Variants in CNTN1 observed in about 807,000 individuals in gnomAD.
CNTN1 encodes the protein contactin-1.
Under a neutral mutation model 126.4 loss-of-function variants are expected in CNTN1, and 38 were observed. The observed-to-expected ratio is 0.30, with a 90% confidence interval of 0.23 to 0.39. The LOEUF (loss-of-function observed/expected upper bound fraction) is 0.39. Ranked by LOEUF, CNTN1 falls within the 10% of genes least tolerant of loss-of-function variation. CNTN1 has a pLI of 1.00. For synonymous variants in CNTN1, 413 were observed against 422.6 expected (o/e 0.98, Z 0.28); for missense variants, 1,009 against 1,248.4 (o/e 0.81, Z 2.89).
At chr12:40,759,428 TC>T (rs1938749433) in intron 1 of CNTN1, among the ~76,000 whole-genome samples, 1 of 150,062 alleles carries the variant, frequency 6.7e-6, no homozygotes, top group African/African-American at 2.4e-5. Flanking sequence ...TCTTTCTCCC[TC>T]CCCTCCCCTC....
At chr12:40,979,610 G>C (rs1204114899) in intron 15 of CNTN1, among the ~76,000 whole-genome samples, 1 of 152,016 alleles carries the variant, frequency 6.6e-6, no homozygotes, top group African/African-American at 2.4e-5. Flanking sequence ...TGATATGTAT[G>C]TTTAGTTATA....
In CNTN1 at chr12:40,959,141, C is replaced by T. The variant is rs1174434961; in HGVS notation, c.1711C>T (p.Arg571Ter). 3.7e-6 allele frequency: 6 copies of T among 1,612,466 alleles called. No individual in the cohort carries two copies. Among genetic ancestry groups the T allele is most frequent in the African/African-American group, 2.7e-5 (2 of 74,918 alleles). ...GGATTCCAATGGGGAATTACTAATCCGAAATGCGCAGCTGAAACATGCTGG... is the reference window on the plus strand; with the variant it reads ...GGATTCCAATGGGGAATTACTAATCTGAAATGCGCAGCTGAAACATGCTGG... ...MLDSNGELLI[R>*]NAQLKHAGRY... The change falls in exon 15 of 24, where the codon CGA becomes TGA. Residue 571 changes from arginine to a stop codon, truncating the protein, a stop_gained. Transcript: ENST00000551295. LOFTEE classifies it high-confidence loss of function.
chr12:40,869,552 G>A (rs941174983), intron 1 of CNTN1, among the ~76,000 whole-genome samples: 3 of 152,042 alleles, frequency 2.0e-5, no homozygotes, highest in African/African-American at 7.2e-5. Context: ...TTACACCTGT[G>A]AGCCACCGTG....
rs1565746430 is a variant in CNTN1, at chr12:40,795,301, ACACACACACACACACACATTT to A, written c.-77+102710_-77+102730del. Among the ~76,000 whole-genome samples the A allele has an allele frequency of 1.2e-4, 11 of 94,698 alleles. 1 individual carries two copies. The highest frequency in any genetic ancestry group is 2.1e-4 in the Admixed American group (2 of 9,566). 62.1% of individuals were successfully genotyped at this position (94,698 alleles called of 152,430 possible). A position where few individuals can be genotyped will look rare whatever the true frequency, so the allele number is the denominator to read the frequency against. ...CACACACACACACACACACACACAC[ACACACACACACACACACATTT>A]TTTTTTTTTTTTTGAAACAAAGTCT... On this transcript the variant is annotated intron_variant, in intron 1 of 23. Coordinates refer to ENST00000551295, the MANE Select transcript of CNTN1 (RefSeq NM_001843.4).
chr12:40,863,696 C>G (rs569130926), intron 1 of CNTN1, among the ~76,000 whole-genome samples: 4 of 152,082 alleles, frequency 2.6e-5, no homozygotes, highest in Admixed American at 2.6e-4. Context: ...AGCTGGAACC[C>G]TATTATAAAC....
chr12:40,747,803 G>T (rs1360736786), intron 1 of CNTN1, among the ~76,000 whole-genome samples: 1 of 152,134 alleles, frequency 6.6e-6, no homozygotes, highest in East Asian at 1.9e-4. Flanking sequence ...TTAATAGGAA[G>T]TTGAGATACA....
intron 16 of CNTN1, among the ~76,000 whole-genome samples, chr12:40,990,676 C>CA (rs1948077189): frequency 6.6e-6 from 1 of 152,188 alleles, no homozygotes; most frequent in African/African-American, 2.4e-5. Context: ...TATATGCACT[C>CA]AAAATCAGTC....
At chr12:40,816,943 G>A (rs138119066) in intron 1 of CNTN1, among the ~76,000 whole-genome samples, 2,891 of 152,268 alleles carry the variant, frequency 0.019, 44 homozygotes, top group Middle Eastern at 0.065. Context: ...CAACTCCCAT[G>A]AAATTGTGTA....
intron 1 of CNTN1, among the ~76,000 whole-genome samples, chr12:40,898,447 G>A (rs1944490608): frequency 2.0e-5 from 3 of 152,048 alleles, no homozygotes; most frequent in Non-Finnish European, 2.9e-5. Context: ...AAAAACAGAT[G>A]TCTGCATGGT....
At chr12:40,799,572 T>C (rs898499658) in intron 1 of CNTN1, among the ~76,000 whole-genome samples, 1 of 152,004 alleles carries the variant, frequency 6.6e-6, no homozygotes, top group African/African-American at 2.4e-5. Context: ...TCTGAATCAT[T>C]GAGACCTGAC....
At chr12:40,824,642 G>A (rs575913682) in intron 1 of CNTN1, among the ~76,000 whole-genome samples, 6 of 152,064 alleles carry the variant, frequency 3.9e-5, no homozygotes, top group Non-Finnish European at 7.4e-5. Context: ...ATTTTTACGC[G>A]ATAAAACTGA....
chr12:40,877,988 C>CTTTTTTT (rs199626249), intron 1 of CNTN1, among the ~76,000 whole-genome samples: 5 of 109,336 alleles, frequency 4.6e-5, no homozygotes, highest in African/African-American at 6.5e-5. Context: ...CAGTTTTTTC[C>CTTTTTTT]TTTTTTTTTT....
intron 1 of CNTN1, among the ~76,000 whole-genome samples, chr12:40,755,561 TA>T (rs1003770678): frequency 2.0e-5 from 3 of 150,642 alleles, no homozygotes; most frequent in African/African-American, 4.9e-5. Context: ...AATATTTAAT[TA>T]AAAAAAAACA....
chr12:40,835,596 A>C (rs1049327537), intron 1 of CNTN1, among the ~76,000 whole-genome samples: 1 of 152,074 alleles, frequency 6.6e-6, no homozygotes, highest in African/African-American at 2.4e-5. Context: ...GTGTTGTTTT[A>C]CTGCCAATAT....
At chr12:41,024,849 A>G (rs1949005047) in intron 20 of CNTN1, among the ~76,000 whole-genome samples, 1 of 152,212 alleles carries the variant, frequency 6.6e-6, no homozygotes, top group Non-Finnish European at 1.5e-5. Context: ...ATATTTTGAA[A>G]GTAAGTCTGC....
intron 9 of CNTN1, among the ~76,000 whole-genome samples, chr12:40,934,141 C>G (rs568382774): frequency 2.2e-4 from 33 of 152,140 alleles, no homozygotes; most frequent in African/African-American, 7.9e-4. Context: ...AGAATATACA[C>G]TTAATGTAGT....
At chr12:40,924,006 G>GA (rs149959671) in intron 5 of CNTN1, among the ~76,000 whole-genome samples, 2,068 of 152,212 alleles carry the variant, frequency 0.014, 45 homozygotes, top group African/African-American at 0.047. Context: ...CAAATACATA[G>GA]AAAAGAGTAA....
chr12:40,857,352 G>A (rs1942948840), intron 1 of CNTN1, among the ~76,000 whole-genome samples: 1 of 152,082 alleles, frequency 6.6e-6, no homozygotes, highest in African/African-American at 2.4e-5. Context: ...AGGCAGTATG[G>A]GCAGGTAATA....
chr12:40,992,865 A>C (rs1440352762), intron 16 of CNTN1, among the ~76,000 whole-genome samples: 1 of 152,192 alleles, frequency 6.6e-6, no homozygotes. Flanking sequence ...TTAGACATGC[A>C]GAATTGCAGA....
Sources: gnomAD v4.1 joint callset for allele counts (sites outside exome capture counted in the v4.1 genomes callset) on GRCh38, gnomAD v4.1.1 for gene constraint, MANE v1.5 for transcripts, NCBI Gene and HGNC (gene_info 2026-07-23, HGNC 2026-07-21) for gene names.